Variants in RAB22A observed in about 807,000 individuals in gnomAD.
RAB22A encodes ras-related protein Rab-22A.
In RAB22A, 13 loss-of-function variants were observed where a neutral mutation model predicts 30.2. That is an observed-to-expected ratio of 0.43 (90% CI 0.28 to 0.68). The LOEUF (loss-of-function observed/expected upper bound fraction) is 0.68. Ranked by LOEUF, RAB22A falls within the 30% of genes least tolerant of loss-of-function variation. The pLI is 0.18. For synonymous variants in RAB22A, 89 were observed against 87.2 expected (o/e 1.02, Z -0.11); for missense variants, 177 against 246.8 (o/e 0.72, Z 1.89).
chr20:58,319,926 G>A (rs540626134), intron 2 of RAB22A, among the ~76,000 whole-genome samples: 1 of 152,066 alleles, frequency 6.6e-6, no homozygotes, highest in Non-Finnish European at 1.5e-5. Flanking sequence ...TACAACCATT[G>A]AGAGTTTAAT....
At chr20:58,333,308 A>AATAAATAAATAAATCC (rs1986693685) in intron 2 of RAB22A, among the ~76,000 whole-genome samples, 1 of 151,298 alleles carries the variant, frequency 6.6e-6, no homozygotes, top group Non-Finnish European at 1.5e-5. Flanking sequence ...TAAATAAATA[A>AATAAATAAATAAATCC]ATCCCGCCAG....
At chr20:58,310,741 A>G (rs956831187) in intron 1 of RAB22A, among the ~76,000 whole-genome samples, 4 of 152,232 alleles carry the variant, frequency 2.6e-5, no homozygotes, top group Admixed American at 1.3e-4. Context: ...CAGGAGTTCA[A>G]AGTTTACTAA....
chr20:58,329,699 C>A (rs1050965016), intron 2 of RAB22A, among the ~76,000 whole-genome samples: 1 of 152,130 alleles, frequency 6.6e-6, no homozygotes, highest in South Asian at 2.1e-4. Context: ...TTCTCTTGGT[C>A]CTCTTATGGG....
In RAB22A at chr20:58,366,219, G is replaced by A. The variant is rs1045387; in HGVS notation, c.*6516G>A. 0.17 allele frequency: 25,550 copies of A among 152,012 alleles called. 2,931 individuals are homozygous for A. Among genetic ancestry groups the A allele is most frequent in the East Asian group, 0.46 (2,390 of 5,142 alleles). The allele number at this position is 152,012 out of a possible 1,614,324, so 9.4% of individuals were successfully genotyped here. ...ACACATGGCCACAGACACCTCCTTC[G>A]CATATGTAATCTGCCTTCCCCTGCG... On this transcript the variant is annotated 3_prime_UTR_variant, in exon 7 of 7. Coordinates refer to ENST00000244040, the MANE Select transcript of RAB22A (RefSeq NM_020673.3).
In RAB22A at chr20:58,363,006, T is replaced by G. The variant is rs1248493816; in HGVS notation, c.*3303T>G. On this transcript the variant is annotated 3_prime_UTR_variant, in exon 7 of 7. Transcript: ENST00000244040. ...CTTTACGTCTTGTATGTATTTCTTT[T>G]CTGTTCTCAAGGAGGAAAATTGGTC... is the stretch of plus-strand genomic sequence containing the variant. The G allele has an allele frequency of 2.0e-5, 3 of 152,236 alleles. No homozygotes were observed. Among genetic ancestry groups the G allele is most frequent in the African/African-American group, 7.2e-5 (3 of 41,468 alleles). The allele number at this position is 152,236 out of a possible 1,614,324, so 9.4% of individuals were successfully genotyped here.
chr20:58,317,515 G>A (rs914147808), intron 2 of RAB22A, among the ~76,000 whole-genome samples: 2 of 150,806 alleles, frequency 1.3e-5, no homozygotes, highest in Non-Finnish European at 3.0e-5. Context: ...GCTTAGGAAA[G>A]TACCATGGAT....
chr20:58,329,130 TGCAAGC>T (rs1753269769), intron 2 of RAB22A, among the ~76,000 whole-genome samples: 3 of 150,972 alleles, frequency 2.0e-5, no homozygotes, highest in East Asian at 3.9e-4. Context: ...CTCGGCTCAC[TGCAAGC>T]TCCCCGTCCT....
intron 6 of RAB22A, among the ~76,000 whole-genome samples, chr20:58,356,646 G>A (rs769164165): frequency 2.0e-5 from 3 of 152,128 alleles, no homozygotes; most frequent in Admixed American, 6.5e-5. Context: ...TACACCCAAC[G>A]GTAACCATCC....
In RAB22A at chr20:58,344,474, C is replaced by T. The variant is rs1986910654; in HGVS notation, c.198+675C>T. Among the ~76,000 whole-genome samples the T allele has an allele frequency of 1.3e-5, 2 of 152,300 alleles. 1 individual carries two copies. The highest frequency in any genetic ancestry group is 6.8e-3 in the Middle Eastern group (2 of 294). On this transcript the variant is annotated intron_variant, in intron 3 of 6. Transcript: ENST00000244040. ...CTGGGTACTGAGACACATCTGCCTC[C>T]TCCCCTTTGCTCTGGGTACTAAGAC...
Position 58,312,472 on chromosome 20 carries a change from C to CTTTTTTTTTTTTTTTTTTTTTTTTT in RAB22A, c.116+1360_116+1384dup. On this transcript the variant is annotated intron_variant, in intron 2 of 6. Transcript: ENST00000244040. ...GCACCATGTTACTCCGGCTGGTTTT[C>CTTTTTTTTTTTTTTTTTTTTTTTTT]TTTTTTTTTTTTTTTTTTTTTTTTT... Among the ~76,000 whole-genome samples, 2 of 38,710 alleles carry CTTTTTTTTTTTTTTTTTTTTTTTTT rather than the reference C, an allele frequency of 5.2e-5. 1 individual carries two copies. Among genetic ancestry groups the CTTTTTTTTTTTTTTTTTTTTTTTTT allele is most frequent in the African/African-American group, 2.0e-4 (2 of 10,110 alleles). The allele number at this position is 38,710 out of a possible 152,430, so 25.4% of individuals were successfully genotyped here. A position where few individuals can be genotyped will look rare whatever the true frequency, so the allele number is the denominator to read the frequency against.
In RAB22A at chr20:58,309,820, G is replaced by A; in HGVS notation, c.-157G>A. 1 of 641,760 alleles carries A rather than the reference G, an allele frequency of 1.6e-6. No individual in the cohort carries two copies. Among genetic ancestry groups the A allele is most frequent in the Non-Finnish European group, 2.2e-6 (1 of 449,866 alleles). The allele number at this position is 641,760 out of a possible 1,614,324, so 39.8% of individuals were successfully genotyped here. A position where few individuals can be genotyped will look rare whatever the true frequency, so the allele number is the denominator to read the frequency against. ...GCCCCACGCGGCTGGCAGCGGACAGGCCGGACCTACGGCCGGAGGACGGGC... is the reference window on the plus strand; with the variant it reads ...GCCCCACGCGGCTGGCAGCGGACAGACCGGACCTACGGCCGGAGGACGGGC... On this transcript the variant is annotated 5_prime_UTR_variant, in exon 1 of 7. Transcript: ENST00000244040.
chr20:58,329,706 T>C (rs1214978970), intron 2 of RAB22A, among the ~76,000 whole-genome samples: 1 of 152,242 alleles, frequency 6.6e-6, no homozygotes, highest in African/African-American at 2.4e-5. Flanking sequence ...GGTCCTCTTA[T>C]GGGATTCCAA....
intron 2 of RAB22A, among the ~76,000 whole-genome samples, chr20:58,311,556 A>G (rs1389579415): frequency 6.6e-6 from 1 of 152,230 alleles, no homozygotes; most frequent in Non-Finnish European, 1.5e-5. Flanking sequence ...TGGTAGTAAT[A>G]ATAAATTAAT....
chr20:58,340,945 T>C lies in RAB22A; in HGVS notation c.117-2773T>C, dbSNP rs150987096. Reference sequence around the variant, plus strand: ...CGTGGGAAGGTGGACACAGGGACAATTGAAAAGATTTGAGACTTGAGACCA... The same window carrying C: ...CGTGGGAAGGTGGACACAGGGACAACTGAAAAGATTTGAGACTTGAGACCA... On this transcript the variant is annotated intron_variant, in intron 2 of 6. Coordinates refer to ENST00000244040, the MANE Select transcript of RAB22A (RefSeq NM_020673.3). Among the ~76,000 whole-genome samples the C allele has an allele frequency of 3.1e-3, 466 of 152,044 alleles. 1 individual carries two copies. The highest frequency in any genetic ancestry group is 0.01 in the African/African-American group (434 of 41,432).
Position 58,366,956 on chromosome 20 carries a change from C to T in RAB22A, c.*7253C>T, listed in dbSNP as rs1021652744. ...CTAAGCCGTCCTACCAGCAATCTCT[C>T]TTTCTCCTAAGAATGTCATGCCTTC... On this transcript the variant is annotated 3_prime_UTR_variant, in exon 7 of 7. Coordinates refer to ENST00000244040, the MANE Select transcript of RAB22A (RefSeq NM_020673.3). The T allele has an allele frequency of 6.6e-6, 1 of 152,572 alleles. No individual in the cohort carries two copies. The highest frequency in any genetic ancestry group is 1.5e-5 in the Non-Finnish European group (1 of 68,030). 9.5% of individuals were successfully genotyped at this position (152,572 alleles called of 1,614,324 possible).
chr20:58,314,421 G>T (rs1986295378), intron 2 of RAB22A, among the ~76,000 whole-genome samples: 1 of 152,188 alleles, frequency 6.6e-6, no homozygotes, highest in Admixed American at 6.5e-5. Context: ...GCAGTACTAT[G>T]AAAACATGTG....
At chr20:58,321,454 G>A (rs1449067002) in intron 2 of RAB22A, among the ~76,000 whole-genome samples, 1 of 152,072 alleles carries the variant, frequency 6.6e-6, no homozygotes, top group Admixed American at 6.6e-5. Flanking sequence ...CCTAAGATGT[G>A]GTCTGTCTTT....
At chr20:58,316,852 A>G (rs545337439) in intron 2 of RAB22A, among the ~76,000 whole-genome samples, 196 of 152,264 alleles carry the variant, frequency 1.3e-3, no homozygotes, top group Non-Finnish European at 2.3e-3. Flanking sequence ...AACTGTCCTC[A>G]GGTACTCAAG....
At chr20:58,346,684 C>T (rs1429990639) in intron 3 of RAB22A, among the ~76,000 whole-genome samples, 1 of 152,204 alleles carries the variant, frequency 6.6e-6, no homozygotes, top group Non-Finnish European at 1.5e-5. Context: ...CAGAATCTCC[C>T]ATCAGACTGT....
Sources: gnomAD v4.1 joint callset for allele counts (sites outside exome capture counted in the v4.1 genomes callset) on GRCh38, gnomAD v4.1.1 for gene constraint, MANE v1.5 for transcripts, NCBI Gene and HGNC (gene_info 2026-07-23, HGNC 2026-07-21) for gene names.